RPS6KC1: variants seen among roughly 807,000 people sequenced by gnomAD.
The protein encoded by RPS6KC1 is inactive ribosomal protein S6 kinase delta-1.
RPS6KC1 carries 54 observed loss-of-function variants against 103.8 expected under a neutral mutation model. That is an observed-to-expected ratio of 0.52 (90% CI 0.42 to 0.65). The LOEUF (loss-of-function observed/expected upper bound fraction) is 0.65, where lower values mean the gene tolerates loss of function less well. Among genes scored for constraint, RPS6KC1 ranks in the 30% least tolerant of loss-of-function variants. The pLI, the probability that RPS6KC1 is intolerant of heterozygous loss-of-function variation, is 0.00. For synonymous variants in RPS6KC1, 439 were observed against 438.7 expected, an observed-to-expected ratio of 1.00 and a Z score of -0.01; for missense variants, 1,151 against 1,253.8, an observed-to-expected ratio of 0.92 and a Z score of 1.24.
intron 6 of RPS6KC1, among the ~76,000 whole-genome samples, chr1:213,165,791 A>G (rs1193308455): frequency 1.3e-5 from 2 of 152,128 alleles, no homozygotes; most frequent in Non-Finnish European, 2.9e-5. Flanking sequence ...TCCTGACCTC[A>G]GGTGATCCAT....
chr1:213,285,050 T>C, the RPS6KC1 span, among the ~76,000 whole-genome samples: 1 of 152,234 alleles, frequency 6.6e-6, no homozygotes, highest in Non-Finnish European at 1.5e-5. Context: ...TAGTTTGGAC[T>C]ACTATAACAA....
intron 2 of RPS6KC1, among the ~76,000 whole-genome samples, chr1:213,077,104 A>G (rs906842706): frequency 2.0e-5 from 3 of 152,230 alleles, no homozygotes; most frequent in Admixed American, 6.5e-5. Context: ...TCCTGAGCTC[A>G]GGTGATCCAC....
At chr1:213,824,477 G>T in the RPS6KC1 span, among the ~76,000 whole-genome samples, 2,510 of 152,172 alleles carry the variant, frequency 0.016, 32 homozygotes, top group Non-Finnish European at 0.024. Context: ...AAATCACATC[G>T]CCTGCACTGC....
the RPS6KC1 span, among the ~76,000 whole-genome samples, chr1:213,794,043 G>T: frequency 1.3e-5 from 2 of 152,300 alleles, no homozygotes; most frequent in East Asian, 1.9e-4. Context: ...CATTTTGAAA[G>T]AAAGCTTTTT....
At chr1:213,559,976 A>G in the RPS6KC1 span, among the ~76,000 whole-genome samples, 1 of 152,174 alleles carries the variant, frequency 6.6e-6, no homozygotes, top group Non-Finnish European at 1.5e-5. Context: ...CTAATAAGCT[A>G]CTTATAGTAT....
chr1:213,063,665 A>T (rs1206556729), intron 1 of RPS6KC1, among the ~76,000 whole-genome samples: 22 of 152,230 alleles, frequency 1.4e-4, no homozygotes, highest in Non-Finnish European at 2.9e-4. Context: ...ACATAAAAAT[A>T]AAAAATTGAG....
chr1:213,634,806 A>C, the RPS6KC1 span, among the ~76,000 whole-genome samples: 2 of 151,058 alleles, frequency 1.3e-5, no homozygotes, highest in Non-Finnish European at 1.5e-5. Flanking sequence ...AAAAAAAAAA[A>C]CCCTTCAAAA....
intron 4 of RPS6KC1, 141 bp downstream of exon 4, chr1:213,104,710 G>A (rs1369831501): frequency 1.4e-5 from 6 of 422,752 alleles, no homozygotes; most frequent in Middle Eastern, 6.5e-4. Flanking sequence ...AATGTTTATG[G>A]CATATTTCCT....
chr1:213,843,607 A>G, the RPS6KC1 span: 2 of 152,208 alleles, frequency 1.3e-5, no homozygotes, highest in Non-Finnish European at 2.9e-5. Context: ...TGAATTTTAG[A>G]AAAGCATGGG....
At chr1:213,602,470 C>T in the RPS6KC1 span, among the ~76,000 whole-genome samples, 10 of 151,794 alleles carry the variant, frequency 6.6e-5, no homozygotes, top group Admixed American at 2.6e-4. Flanking sequence ...TGAGCTGAGG[C>T]GTTCTGCCTG....
At chr1:213,754,637 G>T in the RPS6KC1 span, among the ~76,000 whole-genome samples, 3 of 152,184 alleles carry the variant, frequency 2.0e-5, no homozygotes, top group East Asian at 5.8e-4. Flanking sequence ...ATGAGTAAAA[G>T]TTCCCTGAGG....
the RPS6KC1 span, among the ~76,000 whole-genome samples, chr1:213,375,215 A>G: frequency 2.6e-5 from 4 of 152,178 alleles, no homozygotes; most frequent in Admixed American, 2.6e-4. Context: ...ATATACATAC[A>G]TACATATTCA....
At chr1:213,754,602 G>T in the RPS6KC1 span, among the ~76,000 whole-genome samples, 1 of 152,194 alleles carries the variant, frequency 6.6e-6, no homozygotes, top group Admixed American at 6.5e-5. Flanking sequence ...CACGTAAGAA[G>T]GCTATTCCCA....
At chr1:213,672,564 T>C in the RPS6KC1 span, among the ~76,000 whole-genome samples, 2,985 of 152,242 alleles carry the variant, frequency 0.02, 102 homozygotes, top group African/African-American at 0.069. Flanking sequence ...CTGCTATGTC[T>C]CTTATTACCC....
chr1:213,625,371 G>T, the RPS6KC1 span, among the ~76,000 whole-genome samples: 4 of 151,930 alleles, frequency 2.6e-5, no homozygotes, highest in African/African-American at 9.7e-5. Context: ...ATGGTAACAT[G>T]CAGTATGGAA....
the RPS6KC1 span, among the ~76,000 whole-genome samples, chr1:213,416,303 A>G: frequency 4.6e-5 from 7 of 152,378 alleles, no homozygotes; most frequent in South Asian, 1.2e-3. Flanking sequence ...CTAGGGCTTC[A>G]TGGTGACTGA....
chr1:213,395,385 G>A, the RPS6KC1 span, among the ~76,000 whole-genome samples: 1 of 152,168 alleles, frequency 6.6e-6, no homozygotes, highest in African/African-American at 2.4e-5. Context: ...ATTCAATATT[G>A]CATTTCTTCA....
the RPS6KC1 span, among the ~76,000 whole-genome samples, chr1:213,808,279 C>T: frequency 6.6e-6 from 1 of 152,210 alleles, no homozygotes; most frequent in African/African-American, 2.4e-5. Flanking sequence ...TCTCCAGCTA[C>T]GTGCTGGGAG....
the RPS6KC1 span, among the ~76,000 whole-genome samples, chr1:213,644,776 C>T: frequency 3.9e-5 from 6 of 152,130 alleles, no homozygotes; most frequent in East Asian, 1.9e-4. Context: ...TGCTAAATTG[C>T]TCTCATAGAA....
Sources: allele counts gnomAD v4.1 joint callset (sites outside exome capture counted in the v4.1 genomes callset), GRCh38; gene constraint gnomAD v4.1.1; transcripts MANE v1.5; gene names NCBI Gene and HGNC (gene_info 2026-07-23, HGNC 2026-07-21).